ZNF385B: variants seen among roughly 807,000 people sequenced by gnomAD.
ZNF385B encodes the protein zinc finger protein 385B, also known as zinc finger protein 533.
ZNF385B carries 23 observed loss-of-function variants against 39.2 expected under a neutral mutation model. The ratio of observed to expected loss-of-function variants is 0.59; its 90% CI spans 0.42 to 0.83. ZNF385B has a LOEUF of 0.83. Ranked by LOEUF, ZNF385B falls within the 40% of genes least tolerant of loss-of-function variation. The pLI is 0.00. For synonymous variants in ZNF385B, 205 were observed against 222.6 expected (o/e 0.92, Z 0.70); for missense variants, 552 against 598.9 (o/e 0.92, Z 0.82).
intron 3 of ZNF385B, among the ~76,000 whole-genome samples, chr2:179,593,890 C>T (rs940341874): frequency 6.6e-6 from 1 of 152,150 alleles, no homozygotes; most frequent in Non-Finnish European, 1.5e-5. Flanking sequence ...ATAGCCATCC[C>T]CCTTCATAAT....
chr2:179,505,356 A>T (rs2057162423), intron 5 of ZNF385B, among the ~76,000 whole-genome samples: 1 of 152,118 alleles, frequency 6.6e-6, no homozygotes. Context: ...TGTATATAGG[A>T]CATTTTGTTG....
chr2:179,518,434 T>C, intron 5 of ZNF385B, 94 bp downstream of exon 5: 2 of 937,148 alleles, frequency 2.1e-6, no homozygotes, highest in Non-Finnish European at 3.3e-6. Flanking sequence ...GAGTGGCTGC[T>C]ACAGTATGTA....
chr2:179,637,209 C>T (rs1006225699), intron 3 of ZNF385B: 2 of 152,132 alleles, frequency 1.3e-5, no homozygotes, highest in African/African-American at 4.8e-5. Context: ...ACAGACTTTC[C>T]TACCTAGTTT....
chr2:179,612,199 T>C (rs1053770685), intron 3 of ZNF385B, among the ~76,000 whole-genome samples: 2 of 152,356 alleles, frequency 1.3e-5, no homozygotes, highest in African/African-American at 4.8e-5. Flanking sequence ...CATATATCTC[T>C]ATCTCTCCAG....
chr2:179,788,763 T>C (rs1363918855), intron 1 of ZNF385B, among the ~76,000 whole-genome samples: 2 of 152,038 alleles, frequency 1.3e-5, no homozygotes, highest in Non-Finnish European at 2.9e-5. Context: ...TTGTTGAACA[T>C]CAGTGTTATG....
intron 1 of ZNF385B, among the ~76,000 whole-genome samples, chr2:179,842,599 G>T (rs756892485): frequency 2.0e-5 from 3 of 152,018 alleles, no homozygotes; most frequent in African/African-American, 2.4e-5. Flanking sequence ...TTCCTTGTAA[G>T]ATTTTATTTG....
chr2:179,600,035 A>T (rs1398286903), intron 3 of ZNF385B, among the ~76,000 whole-genome samples: 1 of 152,202 alleles, frequency 6.6e-6, no homozygotes, highest in African/African-American at 2.4e-5. Flanking sequence ...AGTAATCATG[A>T]ACTGCATCCA....
In ZNF385B at chr2:179,829,764, T is replaced by C. The variant is rs547738141; in HGVS notation, c.-155+31337A>G. Among the ~76,000 whole-genome samples, 20 of 152,264 alleles carry C rather than the reference T, an allele frequency of 1.3e-4. No individual in the cohort carries two copies. The East Asian group carries it at 1.4e-3, about 10-fold the overall frequency. On this transcript the variant is annotated intron_variant, in intron 1 of 9. Transcript: ENST00000410066. ...TCCTGACCTCGTGATCTGCCCGCCT[T>C]GGCCTCCCAAAGTGCTGGGATTACA... is the stretch of plus-strand genomic sequence containing the variant.
At chr2:179,483,707 G>A (rs971266392) in intron 5 of ZNF385B, among the ~76,000 whole-genome samples, 2 of 152,168 alleles carry the variant, frequency 1.3e-5, no homozygotes, top group Non-Finnish European at 2.9e-5. Context: ...TGTGACACAG[G>A]TGAGCTTTGT....
At chr2:179,544,681 C>T in intron 4 of ZNF385B, 146 bp downstream of exon 4, 1 of 944,884 alleles carries the variant, frequency 1.1e-6, no homozygotes, top group Non-Finnish European at 1.6e-6. Context: ...GGTGAAGCAT[C>T]ATCTTTCATA....
At chr2:179,555,070 C>G (rs2060816629) in intron 3 of ZNF385B, among the ~76,000 whole-genome samples, 1 of 149,492 alleles carries the variant, frequency 6.7e-6, no homozygotes, top group Admixed American at 6.7e-5. Flanking sequence ...AAACTGGAAA[C>G]TAGCCAGTTA....
chr2:179,737,932 A>G (rs1274296439), intron 3 of ZNF385B, among the ~76,000 whole-genome samples: 1 of 152,186 alleles, frequency 6.6e-6, no homozygotes, highest in Non-Finnish European at 1.5e-5. Context: ...ATGCAGAACT[A>G]ATGTAATGAA....
rs1444672924 is a variant in ZNF385B at position 179,446,699 on chromosome 2, TGAG to T, written c.784_786del (p.Leu262del). The T allele has an allele frequency of 4.3e-6, 7 of 1,613,962 alleles. No homozygotes were observed. Among genetic ancestry groups the T allele is most frequent in the Non-Finnish European group, 5.9e-6 (7 of 1,179,990 alleles). On this transcript the variant is annotated inframe_deletion, in exon 7 of 10. Coordinates refer to ENST00000410066, the MANE Select transcript of ZNF385B (RefSeq NM_152520.6). ...GGTGGCAGGGGTGTTGTGCCAGATT[TGAG>T]GAGAAATGAGCCACTTTCAGAGCTT... is the stretch of plus-strand genomic sequence containing the variant.
At chr2:179,565,859 A>T (rs1228269963) in intron 3 of ZNF385B, among the ~76,000 whole-genome samples, 1 of 152,198 alleles carries the variant, frequency 6.6e-6, no homozygotes, top group African/African-American at 2.4e-5. Context: ...CATCTCCATT[A>T]CAGTACTTAA....
At chr2:179,622,265 C>T (rs989997193) in intron 3 of ZNF385B, among the ~76,000 whole-genome samples, 3 of 152,172 alleles carry the variant, frequency 2.0e-5, no homozygotes, top group African/African-American at 7.2e-5. Flanking sequence ...AGTCCCAGAA[C>T]TCATTCAGGG....
intron 5 of ZNF385B, among the ~76,000 whole-genome samples, chr2:179,486,890 C>T (rs1390351113): frequency 6.6e-6 from 1 of 151,670 alleles, no homozygotes; most frequent in Admixed American, 6.6e-5. Flanking sequence ...CACTCTGGCC[C>T]GGGCAACAGA....
intron 1 of ZNF385B, among the ~76,000 whole-genome samples, chr2:179,793,811 A>G (rs1705489397): frequency 6.6e-6 from 1 of 152,208 alleles, no homozygotes; most frequent in African/African-American, 2.4e-5. Context: ...GATAACAGAA[A>G]TACTGGAGTT....
intron 3 of ZNF385B, among the ~76,000 whole-genome samples, chr2:179,568,378 T>C (rs1232993876): frequency 6.6e-6 from 1 of 152,094 alleles, no homozygotes; most frequent in Non-Finnish European, 1.5e-5. Flanking sequence ...TAAAATATAA[T>C]CTCCACAGGG....
At chr2:179,717,601 T>A (rs1197395782) in intron 3 of ZNF385B, among the ~76,000 whole-genome samples, 1 of 152,140 alleles carries the variant, frequency 6.6e-6, no homozygotes, top group East Asian at 1.9e-4. Flanking sequence ...CCAGGCTAGG[T>A]GGTACACGCC....
Sources: gnomAD v4.1 joint callset for allele counts (sites outside exome capture counted in the v4.1 genomes callset) on GRCh38, gnomAD v4.1.1 for gene constraint, MANE v1.5 for transcripts, NCBI Gene and HGNC (gene_info 2026-07-23, HGNC 2026-07-21) for gene names.